The following PITPNC1 variants were observed in gnomAD, a reference collection of about 807,000 sequenced individuals.
The protein encoded by PITPNC1 is cytoplasmic phosphatidylinositol transfer protein 1.
In PITPNC1, 18 loss-of-function variants were observed where a neutral mutation model predicts 44.7. The ratio of observed to expected loss-of-function variants is 0.40; its 90% CI spans 0.28 to 0.60. The LOEUF (loss-of-function observed/expected upper bound fraction) is 0.60. Ranked by LOEUF, PITPNC1 falls within the 20% of genes least tolerant of loss-of-function variation. The probability of loss-of-function intolerance (pLI) is 0.39; values close to 1 mark genes in which losing one functional copy is unlikely to be tolerated. For missense variants in PITPNC1, 290 were observed against 418.4 expected, an observed-to-expected ratio of 0.69 and a Z score of 2.68; for synonymous variants, 141 against 149.6, an observed-to-expected ratio of 0.94 and a Z score of 0.42.
At chr17:67,463,747 T>TA (rs1279993797) in intron 1 of PITPNC1, among the ~76,000 whole-genome samples, 1 of 150,702 alleles carries the variant, frequency 6.6e-6, no homozygotes, top group Non-Finnish European at 1.5e-5. Context: ...TACAAAAAAA[T>TA]ACAAAAATTA....
At chr17:67,534,790 A>G (rs1164924955) in intron 2 of PITPNC1, among the ~76,000 whole-genome samples, 1 of 152,178 alleles carries the variant, frequency 6.6e-6, no homozygotes, top group Non-Finnish European at 1.5e-5. Context: ...ATTGGCCCAT[A>G]TGTGATTATC....
chr17:67,582,297 C>T (rs2041245627), intron 5 of PITPNC1, among the ~76,000 whole-genome samples: 1 of 152,088 alleles, frequency 6.6e-6, no homozygotes, highest in Non-Finnish European at 1.5e-5. Context: ...GTGGATAATT[C>T]TCTTGTCTCA....
chr17:67,410,218 C>G (rs1466085344), intron 1 of PITPNC1, among the ~76,000 whole-genome samples: 1 of 152,168 alleles, frequency 6.6e-6, no homozygotes, highest in Non-Finnish European at 1.5e-5. Context: ...ATTTTATTAG[C>G]AAGAATTAAA....
chr17:67,595,706 C>T (rs1203645619), intron 5 of PITPNC1, among the ~76,000 whole-genome samples: 1 of 152,252 alleles, frequency 6.6e-6, no homozygotes, highest in East Asian at 1.9e-4. Flanking sequence ...TAATATTAAG[C>T]TATTAAATCA....
intron 6 of PITPNC1, among the ~76,000 whole-genome samples, chr17:67,658,414 C>T (rs1019174895): frequency 4.6e-5 from 7 of 152,216 alleles, no homozygotes; most frequent in African/African-American, 1.4e-4. Flanking sequence ...AACCAATCAG[C>T]ATGCGCTCCC....
At chr17:67,395,491 C>T (rs2038206028) in intron 1 of PITPNC1, among the ~76,000 whole-genome samples, 1 of 152,126 alleles carries the variant, frequency 6.6e-6, no homozygotes, top group South Asian at 2.1e-4. Flanking sequence ...CTAGAGAAGT[C>T]TGTGCTTGAG....
intron 1 of PITPNC1, among the ~76,000 whole-genome samples, chr17:67,394,557 G>A (rs911411038): frequency 6.6e-6 from 1 of 152,138 alleles, no homozygotes; most frequent in Non-Finnish European, 1.5e-5. Context: ...GCTATAGGGA[G>A]TTGAAAGCTC....
rs1337004663 is a variant in PITPNC1, at chr17:67,692,894, T to C, written c.*6T>C. ...GTCGGCCCAAATCTGAGTAACTTTA[T>C]ATAAATATCTCATGGGGTTTTATAT... On this transcript the variant is annotated 3_prime_UTR_variant, in exon 9 of 9. Coordinates refer to ENST00000581322, the MANE Select transcript of PITPNC1 (RefSeq NM_012417.4). 6 of 1,496,908 alleles carry C rather than the reference T, an allele frequency of 4.0e-6. No individual in the cohort carries two copies. The South Asian group carries it at 5.9e-5, about 15-fold the overall frequency. The allele number at this position is 1,496,908 out of a possible 1,614,324, so 92.7% of individuals were successfully genotyped here. A position where few individuals can be genotyped will look rare whatever the true frequency, so the allele number is the denominator to read the frequency against.
chr17:67,585,647 A>G (rs947976083), intron 5 of PITPNC1, among the ~76,000 whole-genome samples: 1 of 152,146 alleles, frequency 6.6e-6, no homozygotes, highest in African/African-American at 2.4e-5. Flanking sequence ...TACATAAGAA[A>G]TGCAAAAACT....
chr17:67,637,287 C>CT (rs1002658691), intron 6 of PITPNC1, among the ~76,000 whole-genome samples: 24 of 147,130 alleles, frequency 1.6e-4, no homozygotes, highest in East Asian at 5.9e-4. Context: ...ATCAGAGTTC[C>CT]TTTTTTTTTT....
At chr17:67,614,177 A>G (rs2041728024) in intron 5 of PITPNC1, among the ~76,000 whole-genome samples, 1 of 151,902 alleles carries the variant, frequency 6.6e-6, no homozygotes, top group African/African-American at 2.4e-5. Context: ...TGTCGCTGGC[A>G]GGGTACTTCC....
chr17:67,454,621 G>C (rs181500172), intron 1 of PITPNC1, among the ~76,000 whole-genome samples: 1 of 152,090 alleles, frequency 6.6e-6, no homozygotes, highest in African/African-American at 2.4e-5. Context: ...GTTTACTTTA[G>C]AAACGATGAT....
At chr17:67,595,955 T>C (rs2041454827) in intron 5 of PITPNC1, among the ~76,000 whole-genome samples, 1 of 152,200 alleles carries the variant, frequency 6.6e-6, no homozygotes, top group Non-Finnish European at 1.5e-5. Context: ...TGATAATAAA[T>C]AGATGTTGAA....
At chr17:67,630,435 TG>T (rs1724111264) in intron 5 of PITPNC1, among the ~76,000 whole-genome samples, 1 of 152,126 alleles carries the variant, frequency 6.6e-6, no homozygotes, top group Non-Finnish European at 1.5e-5. Flanking sequence ...CTGGCCACCA[TG>T]GTGAAACCCC....
intron 1 of PITPNC1, among the ~76,000 whole-genome samples, chr17:67,417,012 A>G (rs1489025482): frequency 2.0e-5 from 3 of 152,016 alleles, no homozygotes; most frequent in East Asian, 3.9e-4. Flanking sequence ...GGGTTTCTCC[A>G]TGTTGATCAG....
chr17:67,525,554 G>C (rs900707656), intron 1 of PITPNC1: 5 of 152,226 alleles, frequency 3.3e-5, no homozygotes, highest in Non-Finnish European at 5.9e-5. Flanking sequence ...TTTCTGAGAT[G>C]AGGTTGTCAA....
At position 67,506,265 on chromosome 17, in the gene PITPNC1, GAAGT is replaced by G. The variant is rs1156878120; in HGVS notation, c.49-26533_49-26530del. ...GAAGAAAAGGAAATGAAGAAAAGGTGAAGTAAGATTTTACACACATTTTCAGATT... is the reference window on the plus strand; with the variant it reads ...GAAGAAAAGGAAATGAAGAAAAGGTGAAGATTTTACACACATTTTCAGATT... On this transcript the variant is annotated intron_variant, in intron 1 of 8. Coordinates refer to ENST00000581322, the MANE Select transcript of PITPNC1 (RefSeq NM_012417.4). Among the ~76,000 whole-genome samples the G allele has an allele frequency of 2.0e-5, 3 of 152,192 alleles. No individual in the cohort carries two copies. In the South Asian group the frequency reaches 6.2e-4, roughly 32 times the overall value.
intron 1 of PITPNC1, among the ~76,000 whole-genome samples, chr17:67,492,675 C>T (rs945828597): frequency 2.0e-5 from 3 of 152,164 alleles, no homozygotes; most frequent in Admixed American, 2.0e-4. Flanking sequence ...TTTCTGTTTT[C>T]ACACCGCCCC....
chr17:67,662,423 TAAACAGA>T lies in PITPNC1; in HGVS notation c.463-7084_463-7078del, dbSNP rs574470005. ...GAGCTGAGATTGTGCCACTGCACTCTAAACAGAGTGAAACTCCATCTCAAAAAAAAGA... is the reference window on the plus strand; with the variant it reads ...GAGCTGAGATTGTGCCACTGCACTCTGTGAAACTCCATCTCAAAAAAAAGA... On this transcript the variant is annotated intron_variant, in intron 6 of 8. Coordinates refer to ENST00000581322, the MANE Select transcript of PITPNC1 (RefSeq NM_012417.4). Among the ~76,000 whole-genome samples the T allele has an allele frequency of 4.6e-5, 7 of 152,144 alleles. No individual in the cohort carries two copies. The South Asian group carries it at 1.0e-3, about 23-fold the overall frequency.
Sources: allele counts gnomAD v4.1 joint callset (sites outside exome capture counted in the v4.1 genomes callset), GRCh38; gene constraint gnomAD v4.1.1; transcripts MANE v1.5; gene names NCBI Gene and HGNC (gene_info 2026-07-23, HGNC 2026-07-21).